Variants in HSD17B2 observed in about 807,000 individuals in gnomAD.
HSD17B2 encodes the protein 17-beta-hydroxysteroid dehydrogenase type 2.
A neutral mutation model predicts 26.9 loss-of-function variants in HSD17B2; 32 were observed. The ratio of observed to expected loss-of-function variants is 1.19; its 90% CI spans 0.90 to 1.60. HSD17B2 has a LOEUF of 1.60. HSD17B2 is among the 40% of genes most tolerant of loss of function. HSD17B2 has a pLI of 0.00. For missense variants in HSD17B2, 613 were observed against 468.6 expected, an observed-to-expected ratio of 1.31 and a Z score of -2.85; for synonymous variants, 246 against 186.7, an observed-to-expected ratio of 1.32 and a Z score of -2.59.
rs549970519 is a variant in HSD17B2 at position 82,068,443 on chromosome 16, G to A, written c.478+61G>A. The A allele has an allele frequency of 1.7e-4, 241 of 1,411,780 alleles. 3 individuals are homozygous for A. In the South Asian group the frequency reaches 2.8e-3, roughly 16 times the overall value. 87.5% of individuals were successfully genotyped at this position (1,411,780 alleles called of 1,614,324 possible). On this transcript the variant is annotated intron_variant, in intron 2 of 4. Transcript: ENST00000199936. ...CTCCTGAATGCCCAGCTCTTGTTCCGGCTTAGGCTGAACATGCCCCCCCAC... is the reference window on the plus strand; with the variant it reads ...CTCCTGAATGCCCAGCTCTTGTTCCAGCTTAGGCTGAACATGCCCCCCCAC...
intron 1 of HSD17B2, among the ~76,000 whole-genome samples, chr16:82,050,443 T>C (rs1335308174): frequency 6.6e-6 from 1 of 152,138 alleles, no homozygotes; most frequent in Non-Finnish European, 1.5e-5. Flanking sequence ...TAGTCAAAGC[T>C]ACCGTCATTT....
intron 1 of HSD17B2, among the ~76,000 whole-genome samples, chr16:82,067,338 G>A (rs905300680): frequency 6.6e-6 from 1 of 152,196 alleles, no homozygotes; most frequent in Non-Finnish European, 1.5e-5. Context: ...GGTGTATGTA[G>A]CTCAAAGGGT....
chr16:82,094,561 C>T, intron 4 of HSD17B2: 1 of 152,068 alleles, frequency 6.6e-6, no homozygotes, highest in Non-Finnish European at 1.5e-5. Context: ...TCAGGCTGCC[C>T]CCCAGTTTAA....
At chr16:82,062,510 G>C (rs910248893) in intron 1 of HSD17B2, among the ~76,000 whole-genome samples, 1 of 152,164 alleles carries the variant, frequency 6.6e-6, no homozygotes, top group Admixed American at 6.5e-5. Flanking sequence ...TTGTGCTTTG[G>C]AGGATTTGAA....
At chr16:82,070,032 T>G (rs909834571) in intron 2 of HSD17B2, among the ~76,000 whole-genome samples, 7 of 152,196 alleles carry the variant, frequency 4.6e-5, no homozygotes, top group Non-Finnish European at 8.8e-5. Flanking sequence ...CCAAATCTAT[T>G]ACTATATTGC....
chr16:82,069,520 C>T (rs1914649284), intron 2 of HSD17B2, among the ~76,000 whole-genome samples: 1 of 152,190 alleles, frequency 6.6e-6, no homozygotes, highest in Non-Finnish European at 1.5e-5. Flanking sequence ...TTGGGGTCCC[C>T]AGCCCCCATT....
rs72829165 is a variant in HSD17B2 at position 82,053,195 on chromosome 16, G to T, written c.266-14975G>T. Among the ~76,000 whole-genome samples the T allele has an allele frequency of 6.3e-3, 953 of 152,278 alleles. 8 individuals carry two copies. The highest frequency in any genetic ancestry group is 0.01 in the Non-Finnish European group (683 of 68,030). ...TTTTCTGGTAGCACAGGTTTTGGCT[G>T]CATGGCAAATGCAGAAGTCAACAGA... On this transcript the variant is annotated intron_variant, in intron 1 of 4. Coordinates refer to ENST00000199936, the MANE Select transcript of HSD17B2 (RefSeq NM_002153.3).
At chr16:82,093,465 A>G (rs762149785) in intron 4 of HSD17B2, 1 of 152,204 alleles carries the variant, frequency 6.6e-6, no homozygotes, top group Non-Finnish European at 1.5e-5. Flanking sequence ...GCTGTGCAGT[A>G]TTCTGTGAAT....
intron 1 of HSD17B2, among the ~76,000 whole-genome samples, chr16:82,053,929 G>A (rs1052740199): frequency 2.6e-5 from 4 of 152,176 alleles, no homozygotes; most frequent in African/African-American, 9.7e-5. Context: ...TTAATAAGCA[G>A]TTGTTCCTGA....
At chr16:82,091,098 T>A (rs1225216464) in intron 4 of HSD17B2, 59 bp downstream of exon 4, 1 of 1,549,280 alleles carries the variant, frequency 6.5e-7, no homozygotes, top group African/African-American at 1.4e-5. Flanking sequence ...CCGAAGGTCC[T>A]CTTGGTCTGA....
chr16:82,043,433 C>G (rs183787018), intron 1 of HSD17B2, among the ~76,000 whole-genome samples: 1 of 124,356 alleles, frequency 8.0e-6, no homozygotes. Context: ...GCCTGTAATC[C>G]CAGCACTTTG....
intron 3 of HSD17B2, among the ~76,000 whole-genome samples, chr16:82,077,003 G>A (rs886317600): frequency 6.6e-6 from 1 of 152,088 alleles, no homozygotes; most frequent in African/African-American, 2.4e-5. Flanking sequence ...TAATATTGAT[G>A]AAAGAAATTG....
intron 1 of HSD17B2, among the ~76,000 whole-genome samples, chr16:82,057,088 C>G (rs13337657): frequency 0.069 from 10,517 of 152,100 alleles, 1,172 homozygotes; most frequent in African/African-American, 0.23. Flanking sequence ...AGTGATTGAA[C>G]TAATTAATAA....
intron 1 of HSD17B2, among the ~76,000 whole-genome samples, chr16:82,045,793 A>T (rs781679474): frequency 6.6e-6 from 1 of 152,200 alleles, no homozygotes; most frequent in Admixed American, 6.5e-5. Flanking sequence ...TGTGCTGTCT[A>T]ACTTTGGTTC....
At chr16:82,074,498 T>C (rs928039031) in intron 3 of HSD17B2, among the ~76,000 whole-genome samples, 1 of 152,044 alleles carries the variant, frequency 6.6e-6, no homozygotes, top group Non-Finnish European at 1.5e-5. Context: ...GCTGTCAAGA[T>C]AGGAAAAAGA....
Position 82,091,011 on chromosome 16 carries a change from T to C in HSD17B2, c.774T>C (p.Ala258=). ...LELSKWGIKV[A]SIQPGGFLTN... The stretch of plus-strand genomic sequence containing the variant: ...TTTCCAAGTGGGGAATTAAAGTTGC[T>C]TCCATCCAACCTGGAGGCTTCCTAA... The change falls in exon 4 of 5, where the codon GCT becomes GCC. Residue 258 remains alanine, a synonymous_variant. Coordinates refer to ENST00000199936, the MANE Select transcript of HSD17B2 (RefSeq NM_002153.3). 2 of 1,614,004 alleles carry C rather than the reference T, an allele frequency of 1.2e-6. No individual in the cohort carries two copies. Among genetic ancestry groups the C allele is most frequent in the Non-Finnish European group, 1.7e-6 (2 of 1,179,902 alleles).
rs1157535522 is a variant in HSD17B2, at chr16:82,071,123, G to A, written c.660G>A (p.Met220Ile). 3 of 1,613,964 alleles carry A rather than the reference G, an allele frequency of 1.9e-6. No homozygotes were observed. The highest frequency in any genetic ancestry group is 1.3e-5 in the African/African-American group (1 of 74,942). ...SKGRLVNVSS[M>I]GGGAPMERLA... ...GGAGGCTGGTGAATGTCAGCAGCAT[G>A]GGAGGTGAGTCAGCATTTTCACACA... Residue 220 changes from methionine to isoleucine, a missense_variant, in exon 3 of 5, where the codon ATG becomes ATA. Met to Ile is a conservative substitution (Grantham distance 10). Transcript: ENST00000199936.
intron 3 of HSD17B2, among the ~76,000 whole-genome samples, chr16:82,077,536 C>G (rs1019880079): frequency 2.0e-5 from 3 of 152,144 alleles, no homozygotes; most frequent in Admixed American, 6.5e-5. Context: ...CAAAACCAGC[C>G]TGGGCAACAT....
At chr16:82,058,071 A>ATT (rs72053726) in intron 1 of HSD17B2, among the ~76,000 whole-genome samples, 38 of 141,380 alleles carry the variant, frequency 2.7e-4, no homozygotes, top group African/African-American at 8.5e-4. Flanking sequence ...GTTGTTGTTA[A>ATT]TTTTTTTTTT....
Sources: gnomAD v4.1 joint callset for allele counts (sites outside exome capture counted in the v4.1 genomes callset) on GRCh38, gnomAD v4.1.1 for gene constraint, MANE v1.5 for transcripts, NCBI Gene and HGNC (gene_info 2026-07-23, HGNC 2026-07-21) for gene names.